Variants in FGGY observed in about 807,000 individuals in gnomAD.
FGGY encodes the protein FGGY carbohydrate kinase domain containing.
FGGY carries 72 observed loss-of-function variants against 71.3 expected under a neutral mutation model. That is an observed-to-expected ratio of 1.01 (90% CI 0.84 to 1.23). The LOEUF (loss-of-function observed/expected upper bound fraction) is 1.23. Ranked by LOEUF, FGGY falls within the 50% of genes most tolerant of loss-of-function variation. FGGY has a pLI of 0.00. For missense variants in FGGY, 668 were observed against 682.3 expected (o/e 0.98, Z 0.23); for synonymous variants, 251 against 250.3 (o/e 1.00, Z -0.02).
At chr1:59,515,209 G>A (rs2094611765) in intron 7 of FGGY, among the ~76,000 whole-genome samples, 1 of 152,128 alleles carries the variant, frequency 6.6e-6, no homozygotes, top group South Asian at 2.1e-4. Flanking sequence ...GGTCATTTTG[G>A]AGCTTTAAAA....
At position 59,378,803 on chromosome 1, in the gene FGGY, T is replaced by A; in HGVS notation, c.520T>A (p.Phe174Ile). 2 of 1,613,632 alleles carry A rather than the reference T, an allele frequency of 1.2e-6. No individual in the cohort carries two copies. Among genetic ancestry groups the A allele is most frequent in the Non-Finnish European group, 1.7e-6 (2 of 1,179,674 alleles). ...GGGACATTTCTTTGATCTCCCGGAC[T>A]TCTTATCGTGGAAGGCAACAGGTGT... ...KAGHFFDLPD[F>I]LSWKATGVTA... The change falls in exon 5 of 16, where the codon TTC becomes ATC. Residue 174 changes from phenylalanine to isoleucine, a missense_variant. Physicochemically the swap from Phe to Ile is conservative, Grantham distance 21 (BLOSUM62 0). Transcript: ENST00000303721.
rs1323377143 is a variant in FGGY at position 59,539,648 on chromosome 1, A to C, written c.800-14476A>C. 5.3e-5 allele frequency among the ~76,000 whole-genome samples: 8 copies of C among 152,352 alleles called. No homozygotes were observed. The East Asian group carries it at 1.2e-3, about 22-fold the overall frequency. The stretch of plus-strand genomic sequence containing the variant: ...ACTTAAGTATGAAATTTAAAAAAAT[A>C]AAGTTCCTAAAAGACAAGGTCTTCA... On this transcript the variant is annotated intron_variant, in intron 7 of 15. Coordinates refer to ENST00000303721, the MANE Select transcript of FGGY (RefSeq NM_018291.5).
intron 9 of FGGY, among the ~76,000 whole-genome samples, chr1:59,616,353 C>T (rs948458894): frequency 9.2e-5 from 14 of 152,042 alleles, no homozygotes; most frequent in Non-Finnish European, 1.8e-4. Context: ...AAGCTGGAAA[C>T]CATCATTCTC....
At chr1:59,703,203 C>T (rs2097724758) in intron 14 of FGGY, among the ~76,000 whole-genome samples, 1 of 152,150 alleles carries the variant, frequency 6.6e-6, no homozygotes, top group South Asian at 2.1e-4. Context: ...CTTTCTTCCT[C>T]AGGTATTTTC....
chr1:59,670,632 T>C (rs2097369183), intron 13 of FGGY, among the ~76,000 whole-genome samples: 1 of 152,082 alleles, frequency 6.6e-6, no homozygotes, highest in Non-Finnish European at 1.5e-5. Context: ...ACTCTGTGCC[T>C]AGTCCAAGTA....
intron 14 of FGGY, among the ~76,000 whole-genome samples, chr1:59,678,214 G>A (rs2097455815): frequency 1.3e-5 from 2 of 152,140 alleles, no homozygotes; most frequent in Admixed American, 6.5e-5. Flanking sequence ...GAATAAGTGG[G>A]AGGGGACACA....
chr1:59,470,834 G>A (rs1385194350), intron 6 of FGGY, among the ~76,000 whole-genome samples: 1 of 152,224 alleles, frequency 6.6e-6, no homozygotes, highest in African/African-American at 2.4e-5. Flanking sequence ...TTTATAGTGT[G>A]TGGCTTGTTT....
intron 6 of FGGY, among the ~76,000 whole-genome samples, chr1:59,511,012 T>A (rs1252159177): frequency 6.6e-6 from 1 of 152,234 alleles, no homozygotes; most frequent in African/African-American, 2.4e-5. Context: ...ACTCTAGCCA[T>A]ACTTCAAGTG....
At chr1:59,427,184 C>T (rs1168905337) in intron 5 of FGGY, among the ~76,000 whole-genome samples, 4 of 152,186 alleles carry the variant, frequency 2.6e-5, no homozygotes, top group African/African-American at 4.8e-5. Context: ...GCCACAAAGA[C>T]AGCTGGGAAC....
intron 14 of FGGY, among the ~76,000 whole-genome samples, chr1:59,746,916 G>C (rs959517463): frequency 1.3e-5 from 2 of 152,084 alleles, no homozygotes; most frequent in South Asian, 2.1e-4. Flanking sequence ...AAAAGTATAG[G>C]TTCCAAAGCC....
At chr1:59,617,421 C>T (rs926757406) in intron 9 of FGGY, among the ~76,000 whole-genome samples, 1 of 152,022 alleles carries the variant, frequency 6.6e-6, no homozygotes, top group Non-Finnish European at 1.5e-5. Flanking sequence ...TAAAAAAAAT[C>T]TTCATCTGGT....
chr1:59,545,096 G>A (rs1378697035), intron 7 of FGGY, among the ~76,000 whole-genome samples: 1 of 152,166 alleles, frequency 6.6e-6, no homozygotes, highest in Non-Finnish European at 1.5e-5. Flanking sequence ...TTCGCATAGT[G>A]TCTTATAAAT....
intron 7 of FGGY, among the ~76,000 whole-genome samples, chr1:59,537,631 A>G (rs1049264876): frequency 4.6e-5 from 7 of 152,194 alleles, no homozygotes; most frequent in African/African-American, 1.7e-4. Context: ...ACAGCATGGT[A>G]CTGGTACCAA....
chr1:59,377,348 A>T (rs1385541201), intron 4 of FGGY, among the ~76,000 whole-genome samples: 1 of 152,232 alleles, frequency 6.6e-6, no homozygotes, highest in Non-Finnish European at 1.5e-5. Context: ...GGGAGGCCTC[A>T]GGAAACTTAC....
intron 11 of FGGY, among the ~76,000 whole-genome samples, chr1:59,646,435 G>A (rs1420989756): frequency 1.3e-5 from 2 of 150,610 alleles, no homozygotes; most frequent in Admixed American, 1.3e-4. Flanking sequence ...CCAAATTGGT[G>A]TTTTCCAAAT....
chr1:59,698,711 C>T (rs2097685086), intron 14 of FGGY: 1 of 969,972 alleles, frequency 1.0e-6, no homozygotes, highest in Non-Finnish European at 1.2e-6. Context: ...GGGATGAATC[C>T]ATTACCTTTC....
chr1:59,698,367 G>A (rs1342689299), intron 14 of FGGY, among the ~76,000 whole-genome samples: 4 of 143,950 alleles, frequency 2.8e-5, no homozygotes, highest in South Asian at 2.4e-4. Context: ...TGCCCACCCC[G>A]CAGTTCCCAC....
At chr1:59,572,625 T>C (rs1295851963) in intron 8 of FGGY, among the ~76,000 whole-genome samples, 1 of 152,166 alleles carries the variant, frequency 6.6e-6, no homozygotes, top group Non-Finnish European at 1.5e-5. Context: ...GTGTGAGAGA[T>C]GATATCATAC....
At chr1:59,754,493 G>A (rs11576671) in intron 14 of FGGY, among the ~76,000 whole-genome samples, 6,391 of 152,108 alleles carry the variant, frequency 0.042, 244 homozygotes, top group East Asian at 0.15. Flanking sequence ...GTGCAATCTC[G>A]ATTCACTGCA....
Sources: gnomAD v4.1 joint callset for allele counts (sites outside exome capture counted in the v4.1 genomes callset) on GRCh38, gnomAD v4.1.1 for gene constraint, MANE v1.5 for transcripts, NCBI Gene and HGNC (gene_info 2026-07-23, HGNC 2026-07-21) for gene names.